Variants in DSG3 observed in about 807,000 individuals in gnomAD.
The protein encoded by DSG3 is desmoglein-3.
A neutral mutation model predicts 85.9 loss-of-function variants in DSG3; 63 were observed. The ratio of observed to expected loss-of-function variants is 0.73; its 90% CI spans 0.60 to 0.90. The LOEUF (loss-of-function observed/expected upper bound fraction) is 0.90, where lower values mean the gene tolerates loss of function less well. Among genes scored for constraint, DSG3 ranks in the 40% least tolerant of loss-of-function variants. The pLI is 0.00. For synonymous variants in DSG3, 447 were observed against 441.9 expected, an observed-to-expected ratio of 1.01 and a Z score of -0.14; for missense variants, 1,220 against 1,219.9, an observed-to-expected ratio of 1.00 and a Z score of 0.00.
At chr18:31,463,494 T>A (rs2144274761) in intron 8 of DSG3, among the ~76,000 whole-genome samples, 1 of 152,310 alleles carries the variant, frequency 6.6e-6, no homozygotes, top group African/African-American at 2.4e-5. Context: ...AGGCCTTGAT[T>A]TGGGCCACCT....
intron 3 of DSG3, among the ~76,000 whole-genome samples, chr18:31,457,585 C>CT (rs1555666278): frequency 2.2e-3 from 136 of 61,150 alleles, no homozygotes; most frequent in East Asian, 0.011. Context: ...TTCTTTCTTT[C>CT]TTCTTTCTTT....
intron 15 of DSG3, 97 bp downstream of exon 15, chr18:31,474,501 G>C: frequency 7.1e-7 from 1 of 1,403,314 alleles, no homozygotes; most frequent in Non-Finnish European, 9.6e-7. Flanking sequence ...TTTATTTACA[G>C]CTTGTTAAAA....
rs147164010 is a variant in DSG3, at chr18:31,459,930, G to A, written c.603G>A (p.Gln201=). 9.9e-6 allele frequency: 16 copies of A among 1,614,058 alleles called. No individual in the cohort carries two copies. In the African/African-American group the frequency reaches 1.7e-4, roughly 17 times the overall value. ...NSKIAFKIVS[Q]EPAGTPMFLL... is the part of the protein sequence containing the mutation. ...AAATTGCCTTCAAAATTGTCTCTCAGGAACCAGCAGGCACACCCATGTTCC... is the reference window on the plus strand; with the variant it reads ...AAATTGCCTTCAAAATTGTCTCTCAAGAACCAGCAGGCACACCCATGTTCC... The change falls in exon 6 of 16, where the codon CAG becomes CAA. Residue 201 remains glutamine (Q), a synonymous_variant. Transcript: ENST00000257189.
intron 1 of DSG3, 97 bp downstream of exon 1, chr18:31,448,022 A>C (rs2072689077): frequency 1.1e-6 from 1 of 902,550 alleles, no homozygotes; most frequent in Non-Finnish European, 1.6e-6. Flanking sequence ...TATAAATTCT[A>C]AAAGGAGTGC....
At position 31,464,105 on chromosome 18, in the gene DSG3, C is replaced by T; in HGVS notation, c.1000-6C>T. On this transcript the variant is annotated splice_region_variant and splice_polypyrimidine_tract_variant and intron_variant, in intron 8 of 15. Coordinates refer to ENST00000257189, the MANE Select transcript of DSG3 (RefSeq NM_001944.3). ...AAACTGCCTTCTAATTTTATTTTTTCTCCAGGCTCTAGATTATGAACAACT... is the reference window on the plus strand; with the variant it reads ...AAACTGCCTTCTAATTTTATTTTTTTTCCAGGCTCTAGATTATGAACAACT... 6.2e-7 allele frequency: 1 copy of T among 1,601,638 alleles called. No individual in the cohort carries two copies. The highest frequency in any genetic ancestry group is 8.5e-7 in the Non-Finnish European group (1 of 1,173,778).
chr18:31,466,845 C>A, intron 11 of DSG3, 91 bp downstream of exon 11: 1 of 1,150,866 alleles, frequency 8.7e-7, no homozygotes, highest in Non-Finnish European at 1.2e-6. Flanking sequence ...CAGGTCCTTC[C>A]AAAAGTAACT....
chr18:31,460,832 G>A lies in DSG3; in HGVS notation c.685-1G>A. On this transcript the variant is annotated splice_acceptor_variant, in intron 6 of 15. Transcript: ENST00000257189. LOFTEE classifies it high-confidence loss of function. ...TTTCTTTATTTTTTATCCAAAATTA[G>A]CAAGCTAGCAGCTATCGTCTGGTTG... 6.4e-7 allele frequency: 1 copy of A among 1,565,728 alleles called. No homozygotes were observed. The highest frequency in any genetic ancestry group is 1.2e-5 in the South Asian group (1 of 81,524).
chr18:31,468,991 A>G (rs1351339001), intron 11 of DSG3, 98 bp from the exon 12 acceptor site: 19 of 1,481,964 alleles, frequency 1.3e-5, no homozygotes, highest in Non-Finnish European at 4.6e-6. Context: ...TGTTTTCTTT[A>G]TGAATTATCC....
At chr18:31,470,345 A>G (rs1215829669) in intron 12 of DSG3, among the ~76,000 whole-genome samples, 1 of 152,204 alleles carries the variant, frequency 6.6e-6, no homozygotes, top group Non-Finnish European at 1.5e-5. Flanking sequence ...ATGTTTTGCA[A>G]TATTTTTTCA....
chr18:31,468,676 GGTCTTC>G (rs2072836616), intron 11 of DSG3, among the ~76,000 whole-genome samples: 1 of 152,202 alleles, frequency 6.6e-6, no homozygotes, highest in Non-Finnish European at 1.5e-5. Context: ...GGTTGGAATA[GGTCTTC>G]CAAAGCTCAT....
Position 31,466,739 on chromosome 18 carries a change from A to G in DSG3, c.1621A>G (p.Ile541Val). The change falls in exon 11 of 16, where the codon ATC (isoleucine) becomes GTC (valine). Residue 541 changes from isoleucine to valine, a missense_variant. By Grantham distance (29) the Ile-to-Val change is conservative. Transcript: ENST00000257189. ...QPVKLPAVWS[I>V]TTLNATSALL... Reference sequence around the variant, plus strand: ...TGTAAAGTTGCCTGCCGTATGGAGTATCACAACCCTCAATGGTGAGTAACA... The same window carrying G: ...TGTAAAGTTGCCTGCCGTATGGAGTGTCACAACCCTCAATGGTGAGTAACA... The G allele has an allele frequency of 1.9e-6, 3 of 1,614,080 alleles. No homozygotes were observed. The highest frequency in any genetic ancestry group is 2.5e-6 in the Non-Finnish European group (3 of 1,179,960).
chr18:31,456,960 T>C, intron 2 of DSG3, 33 bp from the exon 3 acceptor site: 1 of 1,579,308 alleles, frequency 6.3e-7, no homozygotes, highest in East Asian at 2.3e-5. Flanking sequence ...TGCCATTAAT[T>C]TCCATAACAA....
intron 8 of DSG3, among the ~76,000 whole-genome samples, chr18:31,463,502 C>T (rs1438562373): frequency 6.6e-6 from 1 of 152,122 alleles, no homozygotes; most frequent in African/African-American, 2.4e-5. Flanking sequence ...ATTTGGGCCA[C>T]CTCAATAAGG....
chr18:31,455,096 A>G (rs1460219321), intron 1 of DSG3, among the ~76,000 whole-genome samples: 1 of 151,820 alleles, frequency 6.6e-6, no homozygotes, highest in Non-Finnish European at 1.5e-5. Flanking sequence ...TCGCTATCCT[A>G]TTATGGCCAT....
At chr18:31,449,981 T>C (rs2072701527) in intron 1 of DSG3, among the ~76,000 whole-genome samples, 1 of 152,244 alleles carries the variant, frequency 6.6e-6, no homozygotes, top group African/African-American at 2.4e-5. Context: ...TTTATGTTGA[T>C]TACATGTTGA....
chr18:31,475,618 A>G, intron 15 of DSG3, 28 bp from the exon 16 acceptor site: 1 of 1,596,910 alleles, frequency 6.3e-7, no homozygotes, highest in South Asian at 1.1e-5. Flanking sequence ...CTTAAAATTC[A>G]TTTTTTCCCA....
intron 13 of DSG3, 136 bp from the exon 14 acceptor site, chr18:31,472,589 A>C (rs549089596): frequency 8.0e-7 from 1 of 1,256,876 alleles, no homozygotes; most frequent in African/African-American, 1.5e-5. Flanking sequence ...GTCAAATCAC[A>C]GAAATGGTTA....
rs2072890239 is a variant in DSG3 at position 31,476,661 on chromosome 18, A to G, written c.*401A>G. On this transcript the variant is annotated 3_prime_UTR_variant, in exon 16 of 16. Transcript: ENST00000257189. ...GCCTTTTCTTATATCATTGATAATG[A>G]TGTAAGAATCACAAGGGGCCGGGCG... The G allele has an allele frequency of 6.2e-6, 1 of 161,102 alleles. No individual in the cohort carries two copies. Among genetic ancestry groups the G allele is most frequent in the Non-Finnish European group, 1.4e-5 (1 of 73,900 alleles). 10.0% of individuals were successfully genotyped at this position (161,102 alleles called of 1,614,324 possible).
chr18:31,451,961 C>T (rs147873344), intron 1 of DSG3, among the ~76,000 whole-genome samples: 1 of 152,290 alleles, frequency 6.6e-6, no homozygotes, highest in East Asian at 1.9e-4. Context: ...GGTTACTACT[C>T]ATAATCACAA....
Sources: gnomAD v4.1 joint callset for allele counts (sites outside exome capture counted in the v4.1 genomes callset) on GRCh38, gnomAD v4.1.1 for gene constraint, MANE v1.5 for transcripts, NCBI Gene and HGNC (gene_info 2026-07-23, HGNC 2026-07-21) for gene names.